POU1F1: variants seen among roughly 807,000 people sequenced by gnomAD.
POU1F1 encodes pituitary-specific positive transcription factor 1.
In POU1F1, 23 loss-of-function variants were observed where a neutral mutation model predicts 32.3. That is an observed-to-expected ratio of 0.71 (90% CI 0.51 to 1.01). The LOEUF is 1.01. POU1F1 is among the 50% of genes least tolerant of loss of function. The pLI is 0.00. For missense variants in POU1F1, 323 were observed against 341.6 expected (o/e 0.95, Z 0.43); for synonymous variants, 120 against 115.6 (o/e 1.04, Z -0.25).
At position 87,276,441 on chromosome 3, in the gene POU1F1, A is replaced by C; in HGVS notation, c.22T>G (p.Ser8Ala). The C allele has an allele frequency of 1.2e-6, 2 of 1,613,898 alleles. No homozygotes were observed. The highest frequency in any genetic ancestry group is 8.5e-7 in the Non-Finnish European group (1 of 1,179,874). Residue 8 changes from serine to alanine, a missense_variant, in exon 1 of 6, where the codon TCG (serine) becomes GCG (alanine). By Grantham distance (99) the Ser-to-Ala change is moderately conservative. Coordinates refer to ENST00000350375, the MANE Select transcript of POU1F1 (RefSeq NM_000306.4). ...TTCAGAGGTATAAAGGTATCAGCCG[A>C]AGTAAAAGCTTGGCAACTCATTCCC... MSCQAFT[S>A]ADTFIPLNSD...
chr3:87,276,250 A>G, intron 1 of POU1F1, 71 bp downstream of exon 1: 1 of 1,532,020 alleles, frequency 6.5e-7, no homozygotes, highest in Non-Finnish European at 9.0e-7. Flanking sequence ...ATTATTAACT[A>G]TCAAGATTCA....
chr3:87,270,104 G>A (rs1706697808), intron 2 of POU1F1, among the ~76,000 whole-genome samples: 1 of 152,018 alleles, frequency 6.6e-6, no homozygotes, highest in South Asian at 2.1e-4. Flanking sequence ...GTAATTCTAG[G>A]TTTTCTATTA....
chr3:87,274,410 T>A (rs1011664890), intron 1 of POU1F1, among the ~76,000 whole-genome samples: 4 of 151,996 alleles, frequency 2.6e-5, no homozygotes, highest in African/African-American at 9.7e-5. Context: ...ATAAATTAAT[T>A]TTCTTGAATA....
intron 2 of POU1F1, among the ~76,000 whole-genome samples, chr3:87,271,316 T>C (rs1282844408): frequency 6.6e-6 from 1 of 152,172 alleles, no homozygotes. Flanking sequence ...GTTAGAATTC[T>C]GAGGCCAGCT....
chr3:87,259,751 TTTTA>T lies in POU1F1; in HGVS notation c.*139_*142del, dbSNP rs1706469494. Reference sequence around the variant, plus strand: ...ATAATTTAAATTGTTGGTTTCTTTTTTTTAAAAAAAAGTGGAAAAGTAAAGCTTC... The same window carrying T: ...ATAATTTAAATTGTTGGTTTCTTTTTAAAAAAAGTGGAAAAGTAAAGCTTC... On this transcript the variant is annotated 3_prime_UTR_variant, in exon 6 of 6. Transcript: ENST00000350375. 1.0e-5 allele frequency: 7 copies of T among 693,526 alleles called. No homozygotes were observed. The highest frequency in any genetic ancestry group is 1.8e-5 in the African/African-American group (1 of 54,878). 43.0% of individuals were successfully genotyped at this position (693,526 alleles called of 1,614,324 possible).
At chr3:87,266,620 A>T (rs561091610) in intron 2 of POU1F1, among the ~76,000 whole-genome samples, 1 of 151,748 alleles carries the variant, frequency 6.6e-6, no homozygotes, top group South Asian at 2.1e-4. Flanking sequence ...TATCCATTTT[A>T]TGCTTTATTG....
chr3:87,274,357 C>T (rs894503114), intron 1 of POU1F1, among the ~76,000 whole-genome samples: 3 of 151,886 alleles, frequency 2.0e-5, no homozygotes, highest in Non-Finnish European at 2.9e-5. Flanking sequence ...ATTTTATTTT[C>T]TCAATTTTTT....
At chr3:87,276,271 T>C in intron 1 of POU1F1, 50 bp downstream of exon 1, 1 of 1,575,884 alleles carries the variant, frequency 6.3e-7, no homozygotes, top group Non-Finnish European at 8.7e-7. Flanking sequence ...AAGCATTCAT[T>C]CTGAAATATT....
At chr3:87,276,213 G>C in intron 1 of POU1F1, 108 bp downstream of exon 1, 1 of 1,370,772 alleles carries the variant, frequency 7.3e-7, no homozygotes, top group Non-Finnish European at 1.0e-6. Flanking sequence ...AATTAAATTG[G>C]AGGGGTAAAA....
intron 2 of POU1F1, among the ~76,000 whole-genome samples, chr3:87,269,000 T>C (rs1377711006): frequency 6.6e-6 from 1 of 152,046 alleles, no homozygotes; most frequent in Non-Finnish European, 1.5e-5. Flanking sequence ...TCATCTCACG[T>C]TACTGGCTTG....
intron 4 of POU1F1, 145 bp downstream of exon 4, chr3:87,261,926 T>C (rs1706521155): frequency 2.2e-6 from 2 of 924,268 alleles, no homozygotes; most frequent in Non-Finnish European, 3.3e-6. Context: ...TTTAGTGTGA[T>C]ATAACAAAAT....
chr3:87,265,698 A>G (rs1233146980), intron 2 of POU1F1, among the ~76,000 whole-genome samples: 2 of 152,052 alleles, frequency 1.3e-5, no homozygotes, highest in African/African-American at 4.8e-5. Flanking sequence ...AAAAAACCCA[A>G]TACAGTATAA....
At chr3:87,269,226 T>A (rs1218600318) in intron 2 of POU1F1, among the ~76,000 whole-genome samples, 1 of 152,238 alleles carries the variant, frequency 6.6e-6, no homozygotes, top group Non-Finnish European at 1.5e-5. Context: ...TGGGGCCTAT[T>A]GCCTGTGTTT....
At chr3:87,267,662 C>T (rs1201615112) in intron 2 of POU1F1, among the ~76,000 whole-genome samples, 2 of 134,922 alleles carry the variant, frequency 1.5e-5, no homozygotes. Context: ...GACTGGAGTG[C>T]AGTGGTAAAA....
chr3:87,271,178 G>A (rs1706715141), intron 2 of POU1F1, among the ~76,000 whole-genome samples: 2 of 152,116 alleles, frequency 1.3e-5, no homozygotes, highest in African/African-American at 4.8e-5. Flanking sequence ...TTGAAATGAG[G>A]AAGAGGTTCG....
Position 87,276,529 on chromosome 3 carries a change from G to C in POU1F1, c.-67C>G. 1.9e-6 allele frequency: 3 copies of C among 1,553,504 alleles called. No homozygotes were observed. The highest frequency in any genetic ancestry group is 1.2e-5 in the South Asian group (1 of 86,448). On this transcript the variant is annotated 5_prime_UTR_variant, in exon 1 of 6. Coordinates refer to ENST00000350375, the MANE Select transcript of POU1F1 (RefSeq NM_000306.4). ...CAAATCAGAGTTTTATTATATTACT[G>C]TCTCAAAGGGCCGATTCAATTCTCA...
Position 87,275,190 on chromosome 3 carries a change from C to A in POU1F1, c.142+1131G>T, listed in dbSNP as rs533918692. On this transcript the variant is annotated intron_variant, in intron 1 of 5. Coordinates refer to ENST00000350375, the MANE Select transcript of POU1F1 (RefSeq NM_000306.4). The stretch of plus-strand genomic sequence containing the variant: ...TGTTGGAGGATACTTCCTGTATTAC[C>A]CTTTAAATTAAATTACAGAAATCTT... Among the ~76,000 whole-genome samples, 3 of 151,852 alleles carry A rather than the reference C, an allele frequency of 2.0e-5. No homozygotes were observed. In the South Asian group the frequency reaches 6.2e-4, roughly 32 times the overall value.
chr3:87,260,104 G>A lies in POU1F1; in HGVS notation c.666C>T (p.Ser222=), dbSNP rs781346089. 8.7e-6 allele frequency: 14 copies of A among 1,613,074 alleles called. No homozygotes were observed. Among genetic ancestry groups the A allele is most frequent in the Non-Finnish European group, 1.1e-5 (13 of 1,179,430 alleles). Residue 222 remains serine (S), a splice_region_variant and synonymous_variant, in exon 6 of 6, where the codon AGC becomes AGT. Transcript: ENST00000350375. ...TCTCCAGAGCATCTTTAGCAGCAAT[G>A]CTGGCGGGGGGTGGACATAGGGGGT... is the stretch of plus-strand genomic sequence containing the variant. ...ERKRKRRTTI[S]IAAKDALERH...
intron 2 of POU1F1, among the ~76,000 whole-genome samples, chr3:87,265,523 C>T (rs890046010): frequency 2.0e-5 from 3 of 151,966 alleles, no homozygotes; most frequent in Admixed American, 6.6e-5. Flanking sequence ...CAATACATTA[C>T]AATTTTTATC....
Sources: allele counts gnomAD v4.1 joint callset (sites outside exome capture counted in the v4.1 genomes callset), GRCh38; gene constraint gnomAD v4.1.1; transcripts MANE v1.5; gene names NCBI Gene and HGNC (gene_info 2026-07-23, HGNC 2026-07-21).